BCAS1: variants seen among roughly 807,000 people sequenced by gnomAD.
The protein encoded by BCAS1 is brain enriched myelin associated protein 1, also known as breast carcinoma-amplified sequence 1.
In BCAS1, 46 loss-of-function variants were observed where a neutral mutation model predicts 65.4. The observed-to-expected ratio is 0.70, with a 90% CI of 0.55 to 0.90. The LOEUF is 0.90. BCAS1 is among the 40% of genes least tolerant of loss of function. The probability of loss-of-function intolerance (pLI) is 0.00; values close to 1 mark genes in which losing one functional copy is unlikely to be tolerated. For missense variants in BCAS1, 793 were observed against 771.2 expected (o/e 1.03, Z -0.33); for synonymous variants, 298 against 293.5 (o/e 1.02, Z -0.16).
intron 9 of BCAS1, among the ~76,000 whole-genome samples, chr20:53,969,491 A>T (rs1181241371): frequency 1.3e-5 from 2 of 152,204 alleles, no homozygotes; most frequent in Non-Finnish European, 2.9e-5. Context: ...TATTCTATAG[A>T]TAAAGAGTGA....
chr20:54,063,043 CTTCTG>C (rs2092394810), intron 1 of BCAS1, among the ~76,000 whole-genome samples: 1 of 152,198 alleles, frequency 6.6e-6, no homozygotes, highest in Non-Finnish European at 1.5e-5. Flanking sequence ...GCAATGAAGC[CTTCTG>C]TTCACAGTTG....
intron 1 of BCAS1, among the ~76,000 whole-genome samples, chr20:54,063,727 G>A (rs964712543): frequency 6.6e-6 from 1 of 152,032 alleles, no homozygotes; most frequent in Non-Finnish European, 1.5e-5. Flanking sequence ...TTAAATCCCC[G>A]TTTAATAGAT....
At chr20:54,046,773 C>G (rs290419) in intron 3 of BCAS1, among the ~76,000 whole-genome samples, 87,658 of 147,550 alleles carry the variant, frequency 0.59, 25,953 homozygotes, top group South Asian at 0.63. Context: ...TGATCTGGGA[C>G]GTGGAGGTTG....
chr20:53,980,326 G>A (rs186301053), intron 8 of BCAS1, among the ~76,000 whole-genome samples: 6 of 152,278 alleles, frequency 3.9e-5, no homozygotes, highest in East Asian at 1.9e-4. Context: ...AGATTCCAGA[G>A]GGCTTCCCGA....
intron 7 of BCAS1, among the ~76,000 whole-genome samples, chr20:53,986,508 G>A (rs941683550): frequency 6.6e-6 from 1 of 151,076 alleles, no homozygotes; most frequent in Non-Finnish European, 1.5e-5. Context: ...GATTTTTTTT[G>A]CTCTGGATAC....
chr20:53,989,553 A>C (rs1432875176), intron 7 of BCAS1, among the ~76,000 whole-genome samples: 1 of 152,066 alleles, frequency 6.6e-6, no homozygotes, highest in Admixed American at 6.6e-5. Context: ...AGACACCCAC[A>C]CAAGATCCTG....
At chr20:53,955,828 C>T (rs1008771403) in intron 11 of BCAS1, among the ~76,000 whole-genome samples, 1 of 152,012 alleles carries the variant, frequency 6.6e-6, no homozygotes, top group Non-Finnish European at 1.5e-5. Context: ...GATGTCATTC[C>T]AATTTTAGAA....
In BCAS1 at chr20:54,022,621, C is replaced by T. The variant is rs375404666; in HGVS notation, c.723+5771G>A. Among the ~76,000 whole-genome samples, 56 of 152,256 alleles carry T rather than the reference C, an allele frequency of 3.7e-4. 1 individual carries two copies. Among genetic ancestry groups the T allele is most frequent in the Middle Eastern group, 3.4e-3 (1 of 294 alleles). The stretch of plus-strand genomic sequence containing the variant: ...CCACTTCTGCCACTAATTAGCTTTG[C>T]GACCTTAACGCAGGTAACTTAAGTT... On this transcript the variant is annotated intron_variant, in intron 4 of 12. Transcript: ENST00000688948.
intron 1 of BCAS1, among the ~76,000 whole-genome samples, chr20:54,065,666 G>C (rs16998886): frequency 6.6e-5 from 10 of 152,232 alleles, no homozygotes; most frequent in Admixed American, 4.6e-4. Context: ...GTCACCTAGG[G>C]ATCTGCATTT....
chr20:54,058,086 T>A lies in BCAS1; in HGVS notation c.141A>T (p.Glu47Asp). The A allele has an allele frequency of 6.2e-7, 1 of 1,613,068 alleles. No homozygotes were observed. Among genetic ancestry groups the A allele is most frequent in the East Asian group, 2.2e-5 (1 of 44,846 alleles). ...TGCCCTTCCCAGAGTAGCACTGACC[T>A]TCCTCTAAGTGCTGAACTGTGTGGG... is the stretch of plus-strand genomic sequence containing the variant. Reference protein sequence around the residue: ...VSTHTVQHLEEVDLGISVKTD... With the variant: ...VSTHTVQHLEDVDLGISVKTD... The change falls in exon 3 of 13, where the codon GAA becomes GAT. Residue 47 changes from glutamate to aspartate, a missense_variant and splice_region_variant. Physicochemically the swap from Glu to Asp is conservative, Grantham distance 45. Transcript: ENST00000688948.
chr20:53,988,686 A>T (rs1414909827), intron 7 of BCAS1, among the ~76,000 whole-genome samples: 1 of 152,168 alleles, frequency 6.6e-6, no homozygotes, highest in Non-Finnish European at 1.5e-5. Flanking sequence ...GCTGTTTTGA[A>T]ATATCCAATA....
At chr20:54,065,410 C>T (rs765991635) in intron 1 of BCAS1, among the ~76,000 whole-genome samples, 37 of 152,182 alleles carry the variant, frequency 2.4e-4, no homozygotes, top group Non-Finnish European at 4.1e-4. Context: ...GCGATTTTGG[C>T]CCCGAAGGGG....
chr20:54,059,321 G>A (rs142693089), intron 1 of BCAS1, among the ~76,000 whole-genome samples: 258 of 152,258 alleles, frequency 1.7e-3, no homozygotes, highest in African/African-American at 5.8e-3. Context: ...ATTGCTAGGG[G>A]AAAATATTTA....
intron 12 of BCAS1, among the ~76,000 whole-genome samples, chr20:53,946,053 T>C (rs977593709): frequency 2.6e-5 from 4 of 152,150 alleles, no homozygotes; most frequent in African/African-American, 9.7e-5. Flanking sequence ...GAGTTACAGG[T>C]GTAAGCCACT....
intron 4 of BCAS1, among the ~76,000 whole-genome samples, chr20:54,022,862 C>G (rs1280749559): frequency 1.3e-5 from 2 of 152,244 alleles, no homozygotes; most frequent in Non-Finnish European, 2.9e-5. Flanking sequence ...AGGCTCCTAA[C>G]ACTTCCACAT....
rs892541419 is a variant in BCAS1 at position 53,943,864 on chromosome 20, C to A, written c.*1058G>T. On this transcript the variant is annotated 3_prime_UTR_variant, in exon 13 of 13. Transcript: ENST00000688948. Reference sequence around the variant, plus strand: ...CATTAATAATGTAAGATAGCAGAGACCAAATCTTTGTTAGGGATACAGTAT... The same window carrying A: ...CATTAATAATGTAAGATAGCAGAGAACAAATCTTTGTTAGGGATACAGTAT... 5.9e-5 allele frequency: 9 copies of A among 152,104 alleles called. No homozygotes were observed. Among genetic ancestry groups the A allele is most frequent in the Non-Finnish European group, 1.0e-4 (7 of 68,014 alleles). The allele number at this position is 152,104 out of a possible 1,614,324, so 9.4% of individuals were successfully genotyped here. A position where few individuals can be genotyped will look rare whatever the true frequency, so the allele number is the denominator to read the frequency against.
At chr20:54,025,552 TC>T (rs948955967) in intron 4 of BCAS1, among the ~76,000 whole-genome samples, 8 of 152,170 alleles carry the variant, frequency 5.3e-5, no homozygotes, top group South Asian at 2.1e-4. Flanking sequence ...TTTGTATGTT[TC>T]CCCCAGGATG....
chr20:53,973,367 C>T (rs2090234290), intron 9 of BCAS1, among the ~76,000 whole-genome samples: 1 of 151,554 alleles, frequency 6.6e-6, no homozygotes, highest in African/African-American at 2.4e-5. Context: ...AAATATTTTA[C>T]CTTATTTTAT....
At chr20:54,041,271 A>G (rs2091986225) in intron 3 of BCAS1, among the ~76,000 whole-genome samples, 1 of 151,416 alleles carries the variant, frequency 6.6e-6, no homozygotes. Flanking sequence ...CACATGGTGC[A>G]AATATCCTTA....
Sources: gnomAD v4.1 joint callset for allele counts (sites outside exome capture counted in the v4.1 genomes callset) on GRCh38, gnomAD v4.1.1 for gene constraint, MANE v1.5 for transcripts, NCBI Gene and HGNC (gene_info 2026-07-23, HGNC 2026-07-21) for gene names.